MACROD2: variants seen among roughly 807,000 people sequenced by gnomAD.
The protein encoded by MACROD2 is ADP-ribose glycohydrolase MACROD2.
In MACROD2, 36 loss-of-function variants were observed where a neutral mutation model predicts 70.4. The observed-to-expected ratio is 0.51, with a 90% CI of 0.39 to 0.68. The LOEUF is 0.68. MACROD2 is among the 30% of genes least tolerant of loss of function. MACROD2 has a pLI of 0.00. For synonymous variants in MACROD2, 172 were observed against 178.8 expected, an observed-to-expected ratio of 0.96 and a Z score of 0.30; for missense variants, 496 against 538.4, an observed-to-expected ratio of 0.92 and a Z score of 0.78.
chr20:15,152,211 G>C (rs200118907), intron 5 of MACROD2, among the ~76,000 whole-genome samples: 72 of 151,972 alleles, frequency 4.7e-4, no homozygotes, highest in Non-Finnish European at 9.1e-4. Flanking sequence ...GGCATTGCAG[G>C]AGAAAATAAG....
At chr20:15,714,525 A>G (rs1018170256) in intron 8 of MACROD2, among the ~76,000 whole-genome samples, 2 of 152,116 alleles carry the variant, frequency 1.3e-5, no homozygotes, top group South Asian at 2.1e-4. Flanking sequence ...GGATGGTAAG[A>G]CAAACAGAGA....
At chr20:14,466,395 A>C (rs747380519) in intron 3 of MACROD2, among the ~76,000 whole-genome samples, 1 of 151,944 alleles carries the variant, frequency 6.6e-6, no homozygotes, top group Non-Finnish European at 1.5e-5. Context: ...CAGGTCCTTT[A>C]AGGACTTCTC....
chr20:14,401,773 C>T (rs1446170049), intron 3 of MACROD2, among the ~76,000 whole-genome samples: 1 of 148,864 alleles, frequency 6.7e-6, no homozygotes, highest in African/African-American at 2.4e-5. Flanking sequence ...TTGAGTCTGC[C>T]ATCATATACT....
intron 5 of MACROD2, among the ~76,000 whole-genome samples, chr20:15,055,361 A>G (rs1601007152): frequency 6.6e-6 from 1 of 152,118 alleles, no homozygotes; most frequent in Non-Finnish European, 1.5e-5. Context: ...CCAATCCAGG[A>G]CCTAACCGGC....
At chr20:14,222,946 A>C (rs1014100534) in intron 3 of MACROD2, 2 of 152,186 alleles carry the variant, frequency 1.3e-5, no homozygotes, top group Non-Finnish European at 2.9e-5. Flanking sequence ...TAAATTAGCC[A>C]CAGGAAAGAA....
At chr20:15,946,026 C>T (rs1464018774) in intron 12 of MACROD2, among the ~76,000 whole-genome samples, 2 of 152,174 alleles carry the variant, frequency 1.3e-5, no homozygotes, top group Non-Finnish European at 2.9e-5. Context: ...TGGTCCACCT[C>T]ATGACCTTGA....
chr20:15,119,001 A>T (rs2076011603), intron 5 of MACROD2, among the ~76,000 whole-genome samples: 1 of 152,190 alleles, frequency 6.6e-6, no homozygotes, highest in Non-Finnish European at 1.5e-5. Flanking sequence ...TTTGGCATGA[A>T]GCATGTATGT....
chr20:15,196,896 G>A, intron 5 of MACROD2: 1 of 985,320 alleles, frequency 1.0e-6, no homozygotes, highest in Non-Finnish European at 1.2e-6. Flanking sequence ...GCCTTACCAG[G>A]GATGCACTTG....
chr20:14,819,992 T>C (rs889114301), intron 5 of MACROD2, among the ~76,000 whole-genome samples: 4 of 152,014 alleles, frequency 2.6e-5, no homozygotes, highest in African/African-American at 9.7e-5. Context: ...AAGAGGAATA[T>C]ACCAAATGAA....
In MACROD2 at chr20:15,593,637, G is replaced by A. The variant is rs151036076; in HGVS notation, c.645+93790G>A. Among the ~76,000 whole-genome samples the A allele has an allele frequency of 8.5e-4, 130 of 152,258 alleles. 1 individual carries two copies. Among genetic ancestry groups the A allele is most frequent in the Admixed American group, 2.1e-3 (32 of 15,300 alleles). ...CAGACTTTGTTGGAATAATGCTTGT[G>A]GGTATAGAAATTTCACTCTTCAAGA... On this transcript the variant is annotated intron_variant, in intron 8 of 17. Transcript: ENST00000684519.
At chr20:14,694,030 C>T (rs1386046231) in intron 5 of MACROD2, among the ~76,000 whole-genome samples, 2 of 152,066 alleles carry the variant, frequency 1.3e-5, no homozygotes, top group African/African-American at 4.8e-5. Context: ...ACAGCAGGCC[C>T]CTTGTCCTCT....
intron 3 of MACROD2, among the ~76,000 whole-genome samples, chr20:14,262,217 G>T (rs2082107010): frequency 6.6e-6 from 1 of 152,104 alleles, no homozygotes; most frequent in Admixed American, 6.6e-5. Context: ...GCAGGTAGTG[G>T]GGAGCCATTG....
At chr20:15,969,557 G>A (rs940256807) in intron 13 of MACROD2, among the ~76,000 whole-genome samples, 8 of 152,122 alleles carry the variant, frequency 5.3e-5, no homozygotes, top group African/African-American at 1.9e-4. Flanking sequence ...AGAATTCAAT[G>A]AATGAATTTA....
chr20:14,409,361 A>G (rs1027957274), intron 3 of MACROD2, among the ~76,000 whole-genome samples: 2 of 151,858 alleles, frequency 1.3e-5, no homozygotes, highest in Admixed American at 6.6e-5. Context: ...AGTGCCAGGC[A>G]CTGTGTATAT....
intron 3 of MACROD2, among the ~76,000 whole-genome samples, chr20:14,189,408 A>AT (rs1206058416): frequency 2.0e-5 from 3 of 152,202 alleles, no homozygotes; most frequent in Non-Finnish European, 4.4e-5. Flanking sequence ...TTCCATTTGT[A>AT]TAGTTATTTT....
chr20:15,276,235 C>A (rs1301694082), intron 6 of MACROD2, among the ~76,000 whole-genome samples: 1 of 151,868 alleles, frequency 6.6e-6, no homozygotes, highest in African/African-American at 2.4e-5. Flanking sequence ...CCCATCTCTA[C>A]TAAAAATACA....
intron 9 of MACROD2, among the ~76,000 whole-genome samples, chr20:15,879,041 G>A (rs1000510753): frequency 1.3e-5 from 2 of 152,132 alleles, no homozygotes; most frequent in African/African-American, 4.8e-5. Context: ...ATTAAATGGA[G>A]CTTTAGCCTC....
At chr20:14,406,479 C>T (rs1482809357) in intron 3 of MACROD2, among the ~76,000 whole-genome samples, 1 of 152,082 alleles carries the variant, frequency 6.6e-6, no homozygotes, top group African/African-American at 2.4e-5. Context: ...AGAACTAGAA[C>T]AGTGCTAGAT....
At position 15,513,049 on chromosome 20, in the gene MACROD2, C is replaced by T. The variant is rs1249453221; in HGVS notation, c.645+13202C>T. On this transcript the variant is annotated intron_variant, in intron 8 of 17. Coordinates refer to ENST00000684519, the MANE Select transcript of MACROD2 (RefSeq NM_001351661.2). ...ACAAAGTTCGTTTTTCTAAGTTCCT[C>T]CTTCTACAAATTTAAACTCAAGGGA... Among the ~76,000 whole-genome samples, 4 of 152,198 alleles carry T rather than the reference C, an allele frequency of 2.6e-5. No homozygotes were observed. The East Asian group carries it at 7.7e-4, about 29-fold the overall frequency.
Sources: gnomAD v4.1 joint callset for allele counts (sites outside exome capture counted in the v4.1 genomes callset) on GRCh38, gnomAD v4.1.1 for gene constraint, MANE v1.5 for transcripts, NCBI Gene and HGNC (gene_info 2026-07-23, HGNC 2026-07-21) for gene names.